MTDH: variants seen among roughly 807,000 people sequenced by gnomAD.
The protein encoded by MTDH is metadherin.
In MTDH, 34 loss-of-function variants were observed where a neutral mutation model predicts 72.7. The ratio of observed to expected loss-of-function variants is 0.47; its 90% CI spans 0.36 to 0.62. The LOEUF is 0.62. Ranked by LOEUF, MTDH falls within the 20% of genes least tolerant of loss-of-function variation. The probability of loss-of-function intolerance (pLI) is 0.00; values close to 1 mark genes in which losing one functional copy is unlikely to be tolerated. For missense variants in MTDH, 677 were observed against 699.4 expected (o/e 0.97, Z 0.36); for synonymous variants, 266 against 268.9 (o/e 0.99, Z 0.10).
In MTDH at chr8:97,713,789, AG is replaced by A; in HGVS notation, c.1380+21del. 6.9e-7 allele frequency: 1 copy of A among 1,448,844 alleles called. No homozygotes were observed. The highest frequency in any genetic ancestry group is 9.3e-7 in the Non-Finnish European group (1 of 1,069,620). The allele number at this position is 1,448,844 out of a possible 1,614,324, so 89.7% of individuals were successfully genotyped here. A position where few individuals can be genotyped will look rare whatever the true frequency, so the allele number is the denominator to read the frequency against. On this transcript the variant is annotated intron_variant, in intron 9 of 11. Transcript: ENST00000336273. ...GCACAGGTAAAATGTCAGAACAACA[AG>A]CATTCATTAAGCGCCTCCGGCTTAA...
chr8:97,645,500 G>A (rs1811531687), intron 1 of MTDH, among the ~76,000 whole-genome samples: 1 of 152,206 alleles, frequency 6.6e-6, no homozygotes, highest in Non-Finnish European at 1.5e-5. Flanking sequence ...GGCAAGAGGG[G>A]GTCGGTTACC....
chr8:97,684,139 CA>C (rs76185022), intron 2 of MTDH, among the ~76,000 whole-genome samples: 497 of 63,526 alleles, frequency 7.8e-3, no homozygotes, highest in African/African-American at 0.02. Context: ...AACTCCTTCT[CA>C]AAAAAAAAAA....
At position 97,682,266 on chromosome 8, in the gene MTDH, A is replaced by ATATG. The variant is rs1554577971; in HGVS notation, c.484-4399_484-4398insGTAT. 8.1e-3 allele frequency among the ~76,000 whole-genome samples: 46 copies of ATATG among 5,686 alleles called. 3 individuals are homozygous for ATATG. The highest frequency in any genetic ancestry group is 0.036 in the African/African-American group (44 of 1,212). The allele number at this position is 5,686 out of a possible 152,430, so 3.7% of individuals were successfully genotyped here. On this transcript the variant is annotated intron_variant, in intron 2 of 11. Transcript: ENST00000336273. ...TATATATATATATATATATATATAT[A>ATATG]TATATATATATATATTTTTTTTTTT...
At chr8:97,718,945 C>T in intron 9 of MTDH, 104 bp from the exon 10 acceptor site, 2 of 1,074,068 alleles carry the variant, frequency 1.9e-6, no homozygotes, top group Non-Finnish European at 1.3e-6. Context: ...ATTCACCCAC[C>T]TCCGCCTCCC....
intron 2 of MTDH, among the ~76,000 whole-genome samples, chr8:97,674,582 C>T (rs1378708567): frequency 6.6e-6 from 1 of 152,032 alleles, no homozygotes; most frequent in African/African-American, 2.4e-5. Flanking sequence ...AGGAACTTGC[C>T]ATATTTGGCC....
intron 2 of MTDH, among the ~76,000 whole-genome samples, chr8:97,683,935 A>C (rs1017050180): frequency 2.0e-5 from 3 of 151,986 alleles, no homozygotes; most frequent in African/African-American, 7.2e-5. Flanking sequence ...AACATGGAAA[A>C]ACCCCATCTC....
rs369216290 is a variant in MTDH at position 97,687,574 on chromosome 8, A to T, written c.714A>T (p.Ala238=). 1 of 1,610,418 alleles carries T rather than the reference A, an allele frequency of 6.2e-7. No individual in the cohort carries two copies. Among genetic ancestry groups the T allele is most frequent in the South Asian group, 1.1e-5 (1 of 90,416 alleles). The change falls in exon 4 of 12, where the codon GCA becomes GCT. Residue 238 remains alanine, a synonymous_variant. Transcript: ENST00000336273. ...ITVTTEQLTT[A]SFPVGSKKNK... ...TTACCACCGAGCAACTTACAACCGCATCATTTCCTGTTGGTTCCAAGAAGA... is the reference window on the plus strand; with the variant it reads ...TTACCACCGAGCAACTTACAACCGCTTCATTTCCTGTTGGTTCCAAGAAGA...
In MTDH at chr8:97,668,871, A is replaced by G. The variant is rs72671512; in HGVS notation, c.483+7698A>G. On this transcript the variant is annotated intron_variant, in intron 2 of 11. Coordinates refer to ENST00000336273, the MANE Select transcript of MTDH (RefSeq NM_178812.4). ...CGCCCGGCCATGTAACAACTTTTATAAAGTTATGATGTGATGAGTTTTGGT... is the reference window on the plus strand; with the variant it reads ...CGCCCGGCCATGTAACAACTTTTATGAAGTTATGATGTGATGAGTTTTGGT... 4.5e-3 allele frequency among the ~76,000 whole-genome samples: 680 copies of G among 151,838 alleles called. 2 individuals are homozygous for G. The highest frequency in any genetic ancestry group is 0.024 in the Middle Eastern group (7 of 294).
intron 1 of MTDH, among the ~76,000 whole-genome samples, chr8:97,654,095 C>A (rs1414782125): frequency 2.6e-5 from 4 of 152,118 alleles, no homozygotes; most frequent in Non-Finnish European, 4.4e-5. Context: ...AGTTTGGAAT[C>A]CTGAGTTGAA....
intron 2 of MTDH, among the ~76,000 whole-genome samples, chr8:97,664,676 A>G (rs1209302069): frequency 1.3e-5 from 2 of 151,942 alleles, no homozygotes; most frequent in Non-Finnish European, 2.9e-5. Flanking sequence ...TGTGTTTTAA[A>G]TAGTTGGTGT....
Position 97,699,762 on chromosome 8 carries a change from G to C in MTDH, c.1057G>C (p.Ala353Pro). 6.2e-7 allele frequency: 1 copy of C among 1,609,414 alleles called. No homozygotes were observed. Among genetic ancestry groups the C allele is most frequent in the Non-Finnish European group, 8.5e-7 (1 of 1,176,128 alleles). ...TTCGTTTTTCATTTAAGGGTCTACT[G>C]CTGAGCCAGTTTCTCAGTCTACCAC... is the stretch of plus-strand genomic sequence containing the variant. ...RSIFSGIGST[A>P]EPVSQSTTSD... The change falls in exon 7 of 12, where the codon GCT (alanine) becomes CCT (proline). Residue 353 changes from alanine (A) to proline (P), a missense_variant. Transcript: ENST00000336273.
intron 10 of MTDH, among the ~76,000 whole-genome samples, chr8:97,721,514 C>T (rs900224057): frequency 3.3e-5 from 5 of 152,146 alleles, no homozygotes; most frequent in African/African-American, 1.2e-4. Context: ...CTTGGGCTCA[C>T]ACCATTTCCT....
intron 2 of MTDH, among the ~76,000 whole-genome samples, chr8:97,668,919 C>G (rs1812496625): frequency 6.6e-6 from 1 of 151,990 alleles, no homozygotes; most frequent in Non-Finnish European, 1.5e-5. Flanking sequence ...CCTCCTCTAC[C>G]TAAAACCCTT....
At chr8:97,670,445 C>G (rs1812565730) in intron 2 of MTDH, among the ~76,000 whole-genome samples, 1 of 152,110 alleles carries the variant, frequency 6.6e-6, no homozygotes, top group Non-Finnish European at 1.5e-5. Flanking sequence ...GGTGAAGCCC[C>G]GTCTCTACTA....
Position 97,686,732 on chromosome 8 carries a change from A to G in MTDH, c.548A>G (p.Asp183Gly), listed in dbSNP as rs1813378421. The G allele has an allele frequency of 6.3e-7, 1 of 1,595,440 alleles. No individual in the cohort carries two copies. Among genetic ancestry groups the G allele is most frequent in the Non-Finnish European group, 8.5e-7 (1 of 1,171,658 alleles). The change falls in exon 3 of 12, where the codon GAT (aspartate) becomes GGT (glycine). Residue 183 changes from aspartate (D) to glycine (G), a missense_variant. Transcript: ENST00000336273. The stretch of plus-strand genomic sequence containing the variant: ...GCAGTGCAAAACAGTTCACGCCATG[A>G]TGGAAAGGAAGTTGATGAAGGTACT... ...AKAVQNSSRH[D>G]GKEVDEGAWE... is the part of the protein sequence containing the mutation.
intron 9 of MTDH, among the ~76,000 whole-genome samples, chr8:97,715,943 A>G (rs1814852304): frequency 6.6e-6 from 1 of 151,816 alleles, no homozygotes; most frequent in South Asian, 2.1e-4. Context: ...ATGAATAAGT[A>G]TTCTAGGTTT....
At chr8:97,688,911 G>T in intron 4 of MTDH, 127 bp from the exon 5 acceptor site, 1 of 399,984 alleles carries the variant, frequency 2.5e-6, no homozygotes. Flanking sequence ...TCCAGTGGAA[G>T]AATTTAGCAC....
chr8:97,715,876 T>A (rs1814849382), intron 9 of MTDH, among the ~76,000 whole-genome samples: 1 of 152,232 alleles, frequency 6.6e-6, no homozygotes, highest in Non-Finnish European at 1.5e-5. Context: ...CATGTGACTG[T>A]TTCTTTGGCA....
chr8:97,690,833 A>G (rs1301497582), intron 5 of MTDH, 119 bp from the exon 6 acceptor site: 9 of 710,840 alleles, frequency 1.3e-5, no homozygotes, highest in Non-Finnish European at 2.0e-5. Context: ...CTTGGTGATC[A>G]AAGGATAGTA....
Sources: gnomAD v4.1 joint callset for allele counts (sites outside exome capture counted in the v4.1 genomes callset) on GRCh38, gnomAD v4.1.1 for gene constraint, MANE v1.5 for transcripts, NCBI Gene and HGNC (gene_info 2026-07-23, HGNC 2026-07-21) for gene names.